The following AOPEP variants were observed in gnomAD, a reference collection of about 807,000 sequenced individuals.
The protein encoded by AOPEP is aminopeptidase O.
AOPEP carries 77 observed loss-of-function variants against 98.1 expected under a neutral mutation model. That is an observed-to-expected ratio of 0.78 (90% CI 0.65 to 0.95). The LOEUF (loss-of-function observed/expected upper bound fraction) is 0.95. Among genes scored for constraint, AOPEP ranks in the 40% least tolerant of loss-of-function variants. AOPEP has a pLI of 0.00. For synonymous variants in AOPEP, 346 were observed against 365.3 expected, an observed-to-expected ratio of 0.95 and a Z score of 0.60; for missense variants, 1,024 against 1,024.7, an observed-to-expected ratio of 1.00 and a Z score of 0.01.
the AOPEP span, among the ~76,000 whole-genome samples, chr9:95,139,821 A>AAT: frequency 3.4e-4 from 50 of 145,870 alleles, no homozygotes; most frequent in African/African-American, 1.2e-3. Flanking sequence ...TGACAAAATG[A>AAT]ATATATATAT....
At chr9:94,891,651 TC>T (rs577226296) in intron 5 of AOPEP, among the ~76,000 whole-genome samples, 42 of 152,306 alleles carry the variant, frequency 2.8e-4, no homozygotes, top group African/African-American at 9.9e-4. Flanking sequence ...ACCTTTACCC[TC>T]CTCACTTCTG....
the AOPEP span, among the ~76,000 whole-genome samples, chr9:95,144,897 G>T: frequency 3.2e-4 from 49 of 152,222 alleles, no homozygotes; most frequent in East Asian, 8.9e-3. Context: ...CTCACATAAG[G>T]ACCAAACATA....
intron 5 of AOPEP, among the ~76,000 whole-genome samples, chr9:94,906,910 G>A (rs1230449412): frequency 6.6e-6 from 1 of 152,162 alleles, no homozygotes; most frequent in East Asian, 1.9e-4. Flanking sequence ...TTCCCTGAAT[G>A]GAATCACCTG....
At chr9:95,043,218 G>A (rs2065493005) in intron 13 of AOPEP, among the ~76,000 whole-genome samples, 1 of 49,028 alleles carries the variant, frequency 2.0e-5, no homozygotes. Context: ...ATATGTATCT[G>A]TATATGTGCA....
chr9:94,958,553 A>T (rs1467379754), intron 9 of AOPEP, among the ~76,000 whole-genome samples: 1 of 152,186 alleles, frequency 6.6e-6, no homozygotes, highest in African/African-American at 2.4e-5. Context: ...CCAACACTTA[A>T]TGCCCTCTGG....
At chr9:95,086,409 A>G (rs2070706415) in intron 16 of AOPEP, 3 of 985,336 alleles carry the variant, frequency 3.0e-6, no homozygotes, top group Non-Finnish European at 3.6e-6. Flanking sequence ...GAACAGTTAG[A>G]GTGGGTGCGT....
At chr9:94,754,839 T>A (rs1836647773) in intron 1 of AOPEP, among the ~76,000 whole-genome samples, 1 of 152,182 alleles carries the variant, frequency 6.6e-6, no homozygotes, top group African/African-American at 2.4e-5. Context: ...TGAAATTGTT[T>A]TCGTTGGGGT....
intron 5 of AOPEP, among the ~76,000 whole-genome samples, chr9:94,918,215 C>T (rs1271455901): frequency 6.6e-6 from 1 of 152,188 alleles, no homozygotes; most frequent in African/African-American, 2.4e-5. Flanking sequence ...GGACTCCCAG[C>T]GTAGGACAGG....
intron 5 of AOPEP, among the ~76,000 whole-genome samples, chr9:94,817,389 A>G (rs1282381537): frequency 1.3e-5 from 2 of 152,234 alleles, no homozygotes; most frequent in Non-Finnish European, 2.9e-5. Context: ...ATATTCCCTC[A>G]TGGAGGGACT....
At chr9:94,875,585 G>C (rs945505048) in intron 5 of AOPEP, among the ~76,000 whole-genome samples, 2 of 152,204 alleles carry the variant, frequency 1.3e-5, no homozygotes, top group Non-Finnish European at 2.9e-5. Flanking sequence ...TTGAAGTAAG[G>C]CTGGAGTGGT....
Position 95,080,762 on chromosome 9 carries a change from GTTCC to G in AOPEP, c.2305_2308del (p.Leu769ArgfsTer14), listed in dbSNP as rs1564615162. On this transcript the variant is annotated frameshift_variant, in exon 15 of 17. Transcript: ENST00000375315. LOFTEE classifies it high-confidence loss of function. Reference sequence around the variant, plus strand: ...CGAAAGCCTACAAAAGTGTGGAGAGGTTCCTTCAGGAGGATCAGGTAGGTGTCAT... The same window carrying G: ...CGAAAGCCTACAAAAGTGTGGAGAGGTTCAGGAGGATCAGGTAGGTGTCAT... 6.2e-7 allele frequency: 1 copy of G among 1,613,932 alleles called. No homozygotes were observed. The highest frequency in any genetic ancestry group is 8.5e-7 in the Non-Finnish European group (1 of 1,179,814).
chr9:94,792,865 A>G lies in AOPEP; in HGVS notation c.1065A>G (p.Ser355=). 1.9e-6 allele frequency: 3 copies of G among 1,613,850 alleles called. No homozygotes were observed. The highest frequency in any genetic ancestry group is 2.5e-6 in the Non-Finnish European group (3 of 1,179,838). ...CWTEMKMETW[S]SNDLATERPF... ...CAGAAATGAAGATGGAGACATGGTCATCAAATGATTTGGCAACAGAGAGAC... is the reference window on the plus strand; with the variant it reads ...CAGAAATGAAGATGGAGACATGGTCGTCAAATGATTTGGCAACAGAGAGAC... Residue 355 remains serine, a synonymous_variant, in exon 4 of 17, where the codon TCA becomes TCG. Coordinates refer to ENST00000375315, the MANE Select transcript of AOPEP (RefSeq NM_001193329.3).
At chr9:95,041,672 G>C (rs904453240) in intron 13 of AOPEP, among the ~76,000 whole-genome samples, 2 of 152,232 alleles carry the variant, frequency 1.3e-5, no homozygotes, top group East Asian at 3.9e-4. Context: ...AGGTGGTGGG[G>C]TTATGTTACT....
chr9:94,813,474 T>A (rs555986497), intron 5 of AOPEP, among the ~76,000 whole-genome samples: 12 of 152,324 alleles, frequency 7.9e-5, no homozygotes, highest in Non-Finnish European at 1.8e-4. Flanking sequence ...AGCCCTGCTA[T>A]CACAGGCTTC....
intron 1 of AOPEP, among the ~76,000 whole-genome samples, chr9:94,728,239 G>GCGCGCGCGCGCGCGCACACACACACACA (rs113657409): frequency 4.8e-4 from 70 of 146,604 alleles, no homozygotes; most frequent in Middle Eastern, 3.5e-3. Flanking sequence ...GTGCGCGCAT[G>GCGCGCGCGCGCGCGCACACACACACACA]CACACACACA....
At chr9:95,047,944 A>T (rs1341284023) in intron 13 of AOPEP, among the ~76,000 whole-genome samples, 4 of 152,146 alleles carry the variant, frequency 2.6e-5, no homozygotes, top group Non-Finnish European at 5.9e-5. Context: ...GAATTGTATA[A>T]ATTGTTTATT....
At chr9:95,082,855 G>C (rs112006761) in intron 16 of AOPEP, 136 bp downstream of exon 16, 8 of 1,002,924 alleles carry the variant, frequency 8.0e-6, no homozygotes, top group Middle Eastern at 2.9e-4. Context: ...CCAGGGCCTG[G>C]AGAGTAACTG....
rs566256641 is a variant in AOPEP, at chr9:94,786,132, T to TAAA, written c.965-6632_965-6631insAAA. ...AAGATGAGAGCTTGCAGATGAAGAC[T>TAAA]ACAACAACAACAGATGATGACAGCA... On this transcript the variant is annotated intron_variant, in intron 3 of 16. Coordinates refer to ENST00000375315, the MANE Select transcript of AOPEP (RefSeq NM_001193329.3). 3.9e-5 allele frequency among the ~76,000 whole-genome samples: 6 copies of TAAA among 152,200 alleles called. 1 individual carries two copies. The highest frequency in any genetic ancestry group is 8.8e-5 in the Non-Finnish European group (6 of 68,038).
intron 11 of AOPEP, among the ~76,000 whole-genome samples, chr9:95,000,709 AAAAT>A (rs751237896): frequency 2.4e-4 from 36 of 152,354 alleles, no homozygotes; most frequent in East Asian, 7.7e-4. Flanking sequence ...ACATTGTCTC[AAAAT>A]AAATAAATAA....
Sources: allele counts gnomAD v4.1 joint callset (sites outside exome capture counted in the v4.1 genomes callset), GRCh38; gene constraint gnomAD v4.1.1; transcripts MANE v1.5; gene names NCBI Gene and HGNC (gene_info 2026-07-23, HGNC 2026-07-21).